PAPLN: variants seen among roughly 807,000 people sequenced by gnomAD.
PAPLN encodes the protein papilin.
PAPLN carries 146 observed loss-of-function variants against 159.0 expected under a neutral mutation model. The ratio of observed to expected loss-of-function variants is 0.92; its 90% CI spans 0.80 to 1.05. The LOEUF is 1.05. Among genes scored for constraint, PAPLN ranks in the 50% least tolerant of loss-of-function variants. The pLI, the probability that PAPLN is intolerant of heterozygous loss-of-function variation, is 0.00. For synonymous variants in PAPLN, 734 were observed against 702.9 expected (o/e 1.04, Z -0.70); for missense variants, 1,720 against 1,743.9 (o/e 0.99, Z 0.24).
chr14:73,253,087 G>T, intron 11 of PAPLN: 1 of 1,377,074 alleles, frequency 7.3e-7, no homozygotes, highest in Non-Finnish European at 9.7e-7. Context: ...TGGCTTGGCA[G>T]ATGCCAAGGG....
chr14:73,245,498 G>A lies in PAPLN; in HGVS notation c.171-138G>A. On this transcript the variant is annotated intron_variant, in intron 3 of 26. Transcript: ENST00000644200. This position sits in a 1 kb window ranked among gnomAD's most constrained non-coding sequence, Gnocchi z 4.2. ...TCACTCCCACCTGGGGGATTTACGG[G>A]GTGGGGTCGGGGGACACCCTCTCAC... 2 of 897,468 alleles carry A rather than the reference G, an allele frequency of 2.2e-6. No homozygotes were observed. The highest frequency in any genetic ancestry group is 1.7e-6 in the Non-Finnish European group (1 of 599,488). 55.6% of individuals were successfully genotyped at this position (897,468 alleles called of 1,614,324 possible).
upstream of PAPLN, among the ~76,000 whole-genome samples, chr14:73,237,104 G>A (rs772170636): frequency 6.6e-6 from 1 of 152,202 alleles, no homozygotes; most frequent in African/African-American, 2.4e-5. Flanking sequence ...TGGGAGATGG[G>A]TAACAGCAGC....
intron 26 of PAPLN, among the ~76,000 whole-genome samples, chr14:73,269,014 G>T (rs535805792): frequency 6.6e-6 from 1 of 152,294 alleles, no homozygotes; most frequent in South Asian, 2.1e-4. Flanking sequence ...AGGACATTCA[G>T]ACTCACCGAT....
intron 2 of PAPLN, 92 bp from the exon 3 acceptor site, chr14:73,244,552 T>G: frequency 1.9e-6 from 2 of 1,063,414 alleles, no homozygotes; most frequent in Non-Finnish European, 2.8e-6. Flanking sequence ...CCTTGATGGG[T>G]AGGGGAGGGT....
chr14:73,268,536 C>T, intron 25 of PAPLN, 21 bp from the exon 26 acceptor site: 2 of 1,603,630 alleles, frequency 1.2e-6, no homozygotes, highest in Non-Finnish European at 1.7e-6. Context: ...GATGGCTCTC[C>T]CAGTGTCCTC....
chr14:73,244,917 C>T (rs1884027981), intron 3 of PAPLN, 158 bp downstream of exon 3: 1 of 597,230 alleles, frequency 1.7e-6, no homozygotes, highest in East Asian at 3.2e-5. Flanking sequence ...CAGTTCAGCG[C>T]AGGAAATCAA....
chr14:73,251,087 C>T, intron 7 of PAPLN, 57 bp downstream of exon 7: 1 of 1,552,736 alleles, frequency 6.4e-7, no homozygotes, highest in South Asian at 1.2e-5. Context: ...CTGTCCCTTC[C>T]TTGCCTGTCC....
At chr14:73,268,342 C>T (rs536640898) in intron 25 of PAPLN, 2 of 481,984 alleles carry the variant, frequency 4.1e-6, no homozygotes, top group East Asian at 6.9e-5. Flanking sequence ...CCATTCACCC[C>T]AGCCTTGGAT....
chr14:73,253,276 C>T (rs2242613), intron 11 of PAPLN: 290,436 of 1,344,798 alleles, frequency 0.22, 33,033 homozygotes, highest in East Asian at 0.47. Context: ...ACCCTGTCAC[C>T]GCTTGGCCTT....
chr14:73,272,714 G>A lies in PAPLN; in HGVS notation c.*50G>A. 4 of 1,435,776 alleles carry A rather than the reference G, an allele frequency of 2.8e-6. No homozygotes were observed. The highest frequency in any genetic ancestry group is 3.7e-6 in the Non-Finnish European group (4 of 1,078,642). The allele number at this position is 1,435,776 out of a possible 1,614,324, so 88.9% of individuals were successfully genotyped here. ...GTCCAAAATAGTTCATAGGGCTAGG[G>A]AGAAAGGAAGATGGACTCTTGGCTT... On this transcript the variant is annotated 3_prime_UTR_variant, in exon 27 of 27. Transcript: ENST00000644200.
intron 17 of PAPLN, 82 bp downstream of exon 17, chr14:73,260,911 G>A (rs1047541839): frequency 2.1e-5 from 31 of 1,482,834 alleles, no homozygotes; most frequent in Admixed American, 7.2e-5. Flanking sequence ...GATCTTTGCC[G>A]CTTTGGCCTC....
chr14:73,243,233 A>G (rs961870789), intron 2 of PAPLN: 1 of 152,280 alleles, frequency 6.6e-6, no homozygotes, highest in Non-Finnish European at 1.5e-5. Flanking sequence ...ACCTCAGGTG[A>G]TCTGCCTGCC....
Position 73,268,571 on chromosome 14 carries a change from T to TG in PAPLN, c.3516dup (p.Gln1173AlafsTer3). ...CTCTCCTCCAGGAACGGGCTACCTGTGCAGGCTGATGGCCACCGTGTCCAC... is the reference window on the plus strand; with the variant it reads ...CTCTCCTCCAGGAACGGGCTACCTGTGGCAGGCTGATGGCCACCGTGTCCAC... On this transcript the variant is annotated frameshift_variant, in exon 26 of 27. Transcript: ENST00000644200. LOFTEE classifies it high-confidence loss of function. The TG allele has an allele frequency of 6.2e-7, 1 of 1,612,958 alleles. No individual in the cohort carries two copies. Among genetic ancestry groups the TG allele is most frequent in the Non-Finnish European group, 8.5e-7 (1 of 1,179,364 alleles).
intron 1 of PAPLN, among the ~76,000 whole-genome samples, chr14:73,238,267 C>A (rs889971854): frequency 5.3e-5 from 8 of 152,230 alleles, no homozygotes; most frequent in African/African-American, 1.9e-4. Context: ...TAGCTCAAGG[C>A]AGACGCGTTC....
At chr14:73,244,877 C>A in intron 3 of PAPLN, 118 bp downstream of exon 3, 1 of 721,324 alleles carries the variant, frequency 1.4e-6, no homozygotes, top group Non-Finnish European at 2.2e-6. Context: ...CAGAACCCAC[C>A]AAGGAGCAGA....
Position 73,264,644 on chromosome 14 carries a change from G to T in PAPLN, c.3043G>T (p.Asp1015Tyr). The T allele has an allele frequency of 6.2e-7, 1 of 1,605,748 alleles. No homozygotes were observed. Among genetic ancestry groups the T allele is most frequent in the Admixed American group, 1.8e-5 (1 of 56,722 alleles). ...AELSRFPQPRDPAQDFGQAGA... is the reference protein window; with the variant it reads ...AELSRFPQPRYPAQDFGQAGA... ...GCTGAGCCGCTTCCCTCAGCCCAGG[G>T]ACCCAGCTCAGGACTTTGGCCAAGC... The change falls in exon 22 of 27, where the codon GAC becomes TAC. Residue 1015 changes from aspartate (D) to tyrosine (Y), a missense_variant. By Grantham distance (160) the Asp-to-Tyr change is radical (BLOSUM62 -3). Transcript: ENST00000644200.
At chr14:73,249,674 C>CAAAA (rs58852515) in intron 5 of PAPLN, 24 of 93,346 alleles carry the variant, frequency 2.6e-4, no homozygotes, top group South Asian at 7.7e-4. Flanking sequence ...GACTCCACCT[C>CAAAA]AAAAAAAAAA....
At chr14:73,242,465 CA>C (rs1883673625) in intron 2 of PAPLN, among the ~76,000 whole-genome samples, 1 of 152,194 alleles carries the variant, frequency 6.6e-6, no homozygotes, top group African/African-American at 2.4e-5. Context: ...CAACCAGGCC[CA>C]ACCCAGCAGC....
In PAPLN at chr14:73,245,662, G is replaced by T; in HGVS notation, c.197G>T (p.Gly66Val). Residue 66 changes from glycine to valine, a missense_variant, in exon 4 of 27, where the codon GGC becomes GTC. Coordinates refer to ENST00000644200, the MANE Select transcript of PAPLN (RefSeq NM_001365906.3). This position sits in a 1 kb window ranked among gnomAD's most constrained non-coding sequence, Gnocchi z 4.2. Reference protein sequence around the residue: ...QRRDGGSSCVGPARSHRSCRT... With the variant: ...QRRDGGSSCVVPARSHRSCRT... The stretch of plus-strand genomic sequence containing the variant: ...AGAGATGGAGGCTCCAGCTGCGTGG[G>T]CCCCGCCCGGAGCCACCGCTCTTGT... 1 of 1,558,018 alleles carries T rather than the reference G, an allele frequency of 6.4e-7. No homozygotes were observed.
Sources: allele counts gnomAD v4.1 joint callset (sites outside exome capture counted in the v4.1 genomes callset), GRCh38; gene constraint gnomAD v4.1.1; non-coding constraint Gnocchi (gnomAD v3.1); transcripts MANE v1.5; gene names NCBI Gene and HGNC (gene_info 2026-07-23, HGNC 2026-07-21).